Variants in RPRD1A observed in about 807,000 individuals in gnomAD.
RPRD1A encodes regulation of nuclear pre-mRNA domain containing 1A.
A neutral mutation model predicts 37.8 loss-of-function variants in RPRD1A; 9 were observed. The ratio of observed to expected loss-of-function variants is 0.24; its 90% confidence interval spans 0.14 to 0.42. RPRD1A has a LOEUF of 0.42. Ranked by LOEUF, RPRD1A falls within the 10% of genes least tolerant of loss-of-function variation. The pLI, the probability that RPRD1A is intolerant of heterozygous loss-of-function variation, is 1.00. For missense variants in RPRD1A, 255 were observed against 371.0 expected (o/e 0.69, Z 2.57); for synonymous variants, 138 against 139.7 (o/e 0.99, Z 0.08).
intron 6 of RPRD1A, among the ~76,000 whole-genome samples, chr18:36,015,377 T>TA (rs1401823910): frequency 2.0e-5 from 3 of 152,054 alleles, no homozygotes; most frequent in Non-Finnish European, 2.9e-5. Context: ...CACGTCCGGC[T>TA]AATTTTTGTA....
At chr18:36,017,650 C>T (rs1264891466) in intron 6 of RPRD1A, among the ~76,000 whole-genome samples, 1 of 152,182 alleles carries the variant, frequency 6.6e-6, no homozygotes, top group Non-Finnish European at 1.5e-5. Flanking sequence ...GCGTAACTGC[C>T]TATATGCATC....
rs1319452077 is a variant in RPRD1A at position 36,067,279 on chromosome 18, G to C, written c.126C>G (p.Thr42=). 1.9e-6 allele frequency: 3 copies of C among 1,598,072 alleles called. No homozygotes were observed. The highest frequency in any genetic ancestry group is 2.6e-6 in the Non-Finnish European group (3 of 1,172,756). Residue 42 remains threonine, a synonymous_variant, in exon 1 of 7, where the codon ACC becomes ACG. Coordinates refer to ENST00000399022, the MANE Select transcript of RPRD1A (RefSeq NM_018170.5). ...HHRKHSRPIV[T]VWERELRKAK... is the part of the protein sequence containing the mutation. ...CTTTCCGCAGCTCCCGCTCCCACAC[G>C]GTGACGATGGGACGCGAGTGTTTAC...
Position 35,993,055 on chromosome 18 carries a change from T to C in RPRD1A, c.*96A>G. 9.3e-7 allele frequency: 1 copy of C among 1,076,808 alleles called. No homozygotes were observed. Among genetic ancestry groups the C allele is most frequent in the Non-Finnish European group, 1.3e-6 (1 of 785,762 alleles). The allele number at this position is 1,076,808 out of a possible 1,614,324, so 66.7% of individuals were successfully genotyped here. ...TCGTTGTTCCTTTTGTTAGTGTTTCTTTCTCAACAATATACAAAAATAACA... is the reference window on the plus strand; with the variant it reads ...TCGTTGTTCCTTTTGTTAGTGTTTCCTTCTCAACAATATACAAAAATAACA... On this transcript the variant is annotated 3_prime_UTR_variant, in exon 7 of 7. Coordinates refer to ENST00000399022, the MANE Select transcript of RPRD1A (RefSeq NM_018170.5).
At chr18:36,051,588 G>T (rs1255157896) in intron 1 of RPRD1A, among the ~76,000 whole-genome samples, 1 of 152,068 alleles carries the variant, frequency 6.6e-6, no homozygotes, top group Non-Finnish European at 1.5e-5. Context: ...CATTCATTCA[G>T]TAACTCATTC....
intron 1 of RPRD1A, among the ~76,000 whole-genome samples, chr18:36,034,362 TTC>T (rs1374802847): frequency 6.6e-6 from 1 of 152,176 alleles, no homozygotes; most frequent in East Asian, 1.9e-4. Flanking sequence ...GTTTAGATGT[TTC>T]TGTCTTTAGA....
intron 6 of RPRD1A, among the ~76,000 whole-genome samples, chr18:36,010,926 C>A (rs1679415334): frequency 6.6e-6 from 1 of 152,178 alleles, no homozygotes; most frequent in South Asian, 2.1e-4. Flanking sequence ...CAGTTGCAAT[C>A]ACTGAGATAC....
chr18:36,031,099 TAAA>T lies in RPRD1A; in HGVS notation c.282-5_282-3del, dbSNP rs377216293. ...TTCTTACAACTTTCATCAGTTTCAC[TAAA>T]AAAAAAAAAAAAGAAAAAAAGAAAA... On this transcript the variant is annotated splice_polypyrimidine_tract_variant and splice_region_variant and intron_variant, in intron 2 of 6. Transcript: ENST00000399022. The T allele has an allele frequency of 2.2e-3, 2,960 of 1,358,526 alleles. No individual in the cohort carries two copies. The highest frequency in any genetic ancestry group is 7.1e-3 in the South Asian group (440 of 62,014). 84.2% of individuals were successfully genotyped at this position (1,358,526 alleles called of 1,614,324 possible). A position where few individuals can be genotyped will look rare whatever the true frequency, so the allele number is the denominator to read the frequency against.
At chr18:36,017,803 C>A (rs563727995) in intron 6 of RPRD1A, among the ~76,000 whole-genome samples, 33 of 152,230 alleles carry the variant, frequency 2.2e-4, no homozygotes, top group African/African-American at 7.7e-4. Flanking sequence ...CATACTTTAA[C>A]GTAAAAGAAT....
At chr18:36,018,365 C>T (rs1910750587) in intron 6 of RPRD1A, among the ~76,000 whole-genome samples, 1 of 151,912 alleles carries the variant, frequency 6.6e-6, no homozygotes, top group African/African-American at 2.4e-5. Context: ...GCTCTGCCTC[C>T]TGGGTTCACG....
At chr18:36,051,285 A>G (rs1913372375) in intron 1 of RPRD1A, among the ~76,000 whole-genome samples, 1 of 152,182 alleles carries the variant, frequency 6.6e-6, no homozygotes, top group East Asian at 1.9e-4. Context: ...GACCTTTTGG[A>G]CCCATATAAC....
intron 6 of RPRD1A, among the ~76,000 whole-genome samples, chr18:36,021,257 G>A (rs1331958620): frequency 1.3e-5 from 2 of 152,082 alleles, no homozygotes; most frequent in African/African-American, 4.8e-5. Flanking sequence ...CTGAGTTTGT[G>A]GCAACCCGGC....
intron 1 of RPRD1A, among the ~76,000 whole-genome samples, chr18:36,063,778 C>T (rs1193280984): frequency 6.6e-6 from 1 of 152,154 alleles, no homozygotes; most frequent in African/African-American, 2.4e-5. Context: ...GACACAAAGG[C>T]TACACCCTGC....
At chr18:36,054,782 G>C (rs1216947842) in intron 1 of RPRD1A, among the ~76,000 whole-genome samples, 1 of 151,854 alleles carries the variant, frequency 6.6e-6, no homozygotes, top group Non-Finnish European at 1.5e-5. Context: ...TGTAGTTCAA[G>C]TCTGAAGGCT....
chr18:36,031,901 A>C (rs1455397536), intron 2 of RPRD1A, among the ~76,000 whole-genome samples: 1 of 152,222 alleles, frequency 6.6e-6, no homozygotes, highest in Non-Finnish European at 1.5e-5. Context: ...GCTTTCTGGC[A>C]GTCCCTCAGT....
At chr18:36,045,200 A>G (rs1426439275) in intron 1 of RPRD1A, among the ~76,000 whole-genome samples, 1 of 152,176 alleles carries the variant, frequency 6.6e-6, no homozygotes, top group African/African-American at 2.4e-5. Context: ...AGATCGCACC[A>G]CTGCACTCCA....
intron 6 of RPRD1A, among the ~76,000 whole-genome samples, chr18:36,020,248 G>T (rs1910903817): frequency 6.6e-6 from 1 of 152,076 alleles, no homozygotes; most frequent in Admixed American, 6.6e-5. Flanking sequence ...ACACGAATCT[G>T]GTAAAACCCT....
chr18:35,997,452 T>A (rs1319245630), intron 6 of RPRD1A, among the ~76,000 whole-genome samples: 1 of 152,214 alleles, frequency 6.6e-6, no homozygotes, highest in Non-Finnish European at 1.5e-5. Flanking sequence ...CATGTGTATA[T>A]ACATATGTAT....
At chr18:36,062,668 A>T (rs9966446) in intron 1 of RPRD1A, among the ~76,000 whole-genome samples, 105 of 152,298 alleles carry the variant, frequency 6.9e-4, no homozygotes, top group African/African-American at 2.3e-3. Context: ...CATCCATGTT[A>T]TAGCATGGAT....
chr18:36,032,983 G>C (rs969075139), intron 2 of RPRD1A, among the ~76,000 whole-genome samples: 1 of 152,088 alleles, frequency 6.6e-6, no homozygotes, highest in Non-Finnish European at 1.5e-5. Context: ...TACATGCGAT[G>C]TACAAAATTA....
Sources: allele counts gnomAD v4.1 joint callset (sites outside exome capture counted in the v4.1 genomes callset), GRCh38; gene constraint gnomAD v4.1.1; transcripts MANE v1.5; gene names NCBI Gene and HGNC (gene_info 2026-07-23, HGNC 2026-07-21).